Variants in MCPH1 observed in about 807,000 individuals in gnomAD.
The protein encoded by MCPH1 is microcephalin 1.
Under a neutral mutation model 84.5 loss-of-function variants are expected in MCPH1, and 104 were observed. The ratio of observed to expected loss-of-function variants is 1.23; its 90% CI spans 1.05 to 1.45. The LOEUF (loss-of-function observed/expected upper bound fraction) is 1.45. MCPH1 is among the 40% of genes most tolerant of loss of function. The pLI is 0.00. For missense variants in MCPH1, 1,498 were observed against 1,005.7 expected (o/e 1.49, Z -6.62); for synonymous variants, 514 against 366.8 (o/e 1.40, Z -4.58).
intron 12 of MCPH1, chr8:6,500,903 T>G (rs752683795): frequency 1.3e-5 from 2 of 152,198 alleles, no homozygotes; most frequent in Non-Finnish European, 2.9e-5. Flanking sequence ...TGATATAAAT[T>G]GTGTTGTTGC....
intron 12 of MCPH1, among the ~76,000 whole-genome samples, chr8:6,528,006 C>T (rs1393955017): frequency 6.6e-6 from 1 of 151,020 alleles, no homozygotes; most frequent in East Asian, 2.0e-4. Flanking sequence ...AGCAATTCTT[C>T]TGCCTCATTC....
chr8:6,435,183 G>C (rs1802467812), intron 4 of MCPH1, among the ~76,000 whole-genome samples: 1 of 152,102 alleles, frequency 6.6e-6, no homozygotes. Context: ...GCATAATCAT[G>C]GTTCTTTTCT....
At position 6,635,241 on chromosome 8, in the gene MCPH1, A is replaced by G. The variant is rs1294576526; in HGVS notation, c.2453-7753A>G. 6 of 151,624 alleles carry G rather than the reference A, an allele frequency of 4.0e-5. No homozygotes were observed. The East Asian group carries it at 1.2e-3, about 29-fold the overall frequency. 9.4% of individuals were successfully genotyped at this position (151,624 alleles called of 1,614,324 possible). On this transcript the variant is annotated intron_variant, in intron 13 of 13. Coordinates refer to ENST00000344683, the MANE Select transcript of MCPH1 (RefSeq NM_024596.5). ...ATTGACTGTTGGGGAAATAGCCAGA[A>G]TGGTTCTGAATCAAGGTGATCGTGA...
In MCPH1 at chr8:6,406,736, C is replaced by T. The variant is rs753334457; in HGVS notation, c.22+47C>T. 8.1e-6 allele frequency: 13 copies of T among 1,603,772 alleles called. No individual in the cohort carries two copies. In the East Asian group the frequency reaches 2.5e-4, roughly 30 times the overall value. On this transcript the variant is annotated intron_variant, in intron 1 of 13. Coordinates refer to ENST00000344683, the MANE Select transcript of MCPH1 (RefSeq NM_024596.5). ...GCTCCAGCAGCGGGAGTTTGAGGACCGGCACCCCTCGTCGCGGGCGCACTC... is the reference window on the plus strand; with the variant it reads ...GCTCCAGCAGCGGGAGTTTGAGGACTGGCACCCCTCGTCGCGGGCGCACTC...
intron 12 of MCPH1, among the ~76,000 whole-genome samples, chr8:6,570,785 T>C (rs1216620553): frequency 6.7e-6 from 1 of 149,174 alleles, no homozygotes; most frequent in Non-Finnish European, 1.5e-5. Flanking sequence ...GAATGACATT[T>C]GGAGCAGATG....
intron 3 of MCPH1, among the ~76,000 whole-genome samples, chr8:6,420,843 T>G (rs2129552574): frequency 6.6e-6 from 1 of 152,310 alleles, no homozygotes; most frequent in Admixed American, 6.5e-5. Flanking sequence ...CAGTTCTTGC[T>G]TCCTCAAAAG....
intron 12 of MCPH1, among the ~76,000 whole-genome samples, chr8:6,600,111 G>T (rs1829244106): frequency 6.6e-6 from 1 of 152,266 alleles, no homozygotes; most frequent in Non-Finnish European, 1.5e-5. Context: ...GAGCTGAGTT[G>T]CTGGAGACAC....
intron 12 of MCPH1, among the ~76,000 whole-genome samples, chr8:6,504,445 C>T (rs1417931712): frequency 1.3e-5 from 2 of 152,116 alleles, no homozygotes; most frequent in East Asian, 1.9e-4. Context: ...TCCAGTGGAT[C>T]CACGCTGTCT....
chr8:6,621,085 C>G, intron 12 of MCPH1: 1 of 343,342 alleles, frequency 2.9e-6, no homozygotes, highest in Non-Finnish European at 5.6e-6. Flanking sequence ...GCATTAGAAT[C>G]TTGCCGTCAC....
intron 12 of MCPH1, among the ~76,000 whole-genome samples, chr8:6,614,004 C>T (rs542905380): frequency 6.6e-6 from 1 of 152,206 alleles, no homozygotes; most frequent in South Asian, 2.1e-4. Context: ...CTAAGGTCCA[C>T]AGGCTGCAGA....
chr8:6,417,262 A>G (rs967405189), intron 3 of MCPH1, among the ~76,000 whole-genome samples: 1 of 152,100 alleles, frequency 6.6e-6, no homozygotes, highest in Non-Finnish European at 1.5e-5. Flanking sequence ...GGATTGGTAA[A>G]GTTTTCTGTA....
At chr8:6,493,530 G>C (rs954292084) in intron 11 of MCPH1, among the ~76,000 whole-genome samples, 1 of 152,196 alleles carries the variant, frequency 6.6e-6, no homozygotes, top group African/African-American at 2.4e-5. Context: ...TGAATAGGCT[G>C]TGTTAGATAT....
At chr8:6,577,538 C>A (rs2129576841) in intron 12 of MCPH1, among the ~76,000 whole-genome samples, 1 of 152,340 alleles carries the variant, frequency 6.6e-6, no homozygotes, top group South Asian at 2.1e-4. Context: ...TTCTGCCATT[C>A]CTTTTCAAGA....
chr8:6,429,446 C>A (rs1801524922), intron 3 of MCPH1, among the ~76,000 whole-genome samples: 1 of 152,286 alleles, frequency 6.6e-6, no homozygotes, highest in Middle Eastern at 3.4e-3. Flanking sequence ...CCTGCGCCTC[C>A]TGCCCTTGAG....
At chr8:6,433,032 G>A (rs1264157694) in intron 4 of MCPH1, among the ~76,000 whole-genome samples, 1 of 152,164 alleles carries the variant, frequency 6.6e-6, no homozygotes, top group African/African-American at 2.4e-5. Context: ...CATGCTTGAC[G>A]TGAAGGGGCT....
Position 6,409,146 on chromosome 8 carries a change from A to G in MCPH1, c.23-133A>G. On this transcript the variant is annotated intron_variant, in intron 1 of 13. Coordinates refer to ENST00000344683, the MANE Select transcript of MCPH1 (RefSeq NM_024596.5). ...GTGGATCCACCCACTTCCGCCTCCC[A>G]CAGTGCTGGGATTACAGGCGTGAGC... 3.9e-6 allele frequency: 3 copies of G among 763,080 alleles called. No homozygotes were observed. The South Asian group carries it at 4.5e-5, about 11-fold the overall frequency. The allele number at this position is 763,080 out of a possible 1,614,324, so 47.3% of individuals were successfully genotyped here. A position where few individuals can be genotyped will look rare whatever the true frequency, so the allele number is the denominator to read the frequency against.
chr8:6,458,189 C>T (rs1399944737), intron 9 of MCPH1, among the ~76,000 whole-genome samples: 5 of 152,030 alleles, frequency 3.3e-5, no homozygotes, highest in African/African-American at 7.2e-5. Context: ...TCCTGATTTG[C>T]GGGCTGGGTG....
chr8:6,642,930 G>GGTTATCA, intron 13 of MCPH1, 64 bp from the exon 14 acceptor site: 1 of 1,456,168 alleles, frequency 6.9e-7, no homozygotes, highest in East Asian at 2.3e-5. Flanking sequence ...TATACAAACA[G>GGTTATCA]GTTATCACTT....
Position 6,445,370 on chromosome 8 carries a change from GAAGAAATGA to G in MCPH1, c.1654_1662del (p.Met552_Glu554del), listed in dbSNP as rs1804173662. ...TTTAACTCCTTTGGAAGGAAGCCTT[GAAGAAATGA>G]AAGAAGCGGTTGGTCTGAAAAGCAC... On this transcript the variant is annotated inframe_deletion, in exon 8 of 14. Transcript: ENST00000344683. The G allele has an allele frequency of 6.2e-7, 1 of 1,614,248 alleles. No individual in the cohort carries two copies. Among genetic ancestry groups the G allele is most frequent in the Non-Finnish European group, 8.5e-7 (1 of 1,180,044 alleles).
Sources: gnomAD v4.1 joint callset for allele counts (sites outside exome capture counted in the v4.1 genomes callset) on GRCh38, gnomAD v4.1.1 for gene constraint, MANE v1.5 for transcripts, NCBI Gene and HGNC (gene_info 2026-07-23, HGNC 2026-07-21) for gene names.